EIF4G1: variants seen among roughly 807,000 people sequenced by gnomAD.
EIF4G1 encodes EIF4-gamma.
EIF4G1 carries 4 observed loss-of-function variants against 187.8 expected under a neutral mutation model. That is an observed-to-expected ratio of 0.02 (90% CI 0.01 to 0.05). The LOEUF (loss-of-function observed/expected upper bound fraction) is 0.05, where lower values mean the gene tolerates loss of function less well. Ranked by LOEUF, EIF4G1 falls within the 10% of genes least tolerant of loss-of-function variation. EIF4G1 has a pLI of 1.00. For missense variants in EIF4G1, 1,647 were observed against 2,081.1 expected, an observed-to-expected ratio of 0.79 and a Z score of 4.06; for synonymous variants, 844 against 781.4, an observed-to-expected ratio of 1.08 and a Z score of -1.34.
chr3:184,319,426 GGT>G lies in EIF4G1; in HGVS notation c.425-224_425-223del, dbSNP rs1168140244. On this transcript the variant is annotated intron_variant, in intron 6 of 32. Transcript: ENST00000346169. ...TAGGAAAGAGTGCCTGCCTACGAGG[GGT>G]GTGTGTGTGTGTGTGTGTGTGTGTG... Among the ~76,000 whole-genome samples the G allele has an allele frequency of 0.029, 3,301 of 112,874 alleles. 36 individuals are homozygous for G. Among genetic ancestry groups the G allele is most frequent in the East Asian group, 0.051 (210 of 4,096 alleles). 74.0% of individuals were successfully genotyped at this position (112,874 alleles called of 152,430 possible). A position where few individuals can be genotyped will look rare whatever the true frequency, so the allele number is the denominator to read the frequency against.
chr3:184,329,323 C>A (rs1725570879), intron 28 of EIF4G1, among the ~76,000 whole-genome samples: 1 of 152,126 alleles, frequency 6.6e-6, no homozygotes, highest in African/African-American at 2.4e-5. Flanking sequence ...ACACAAGAAA[C>A]AAGTTGGTAG....
At position 184,321,067 on chromosome 3, in the gene EIF4G1, G is replaced by GGGT. The variant is rs531788278; in HGVS notation, c.697+74_697+75insGGT. ...CAGTTAAATGCTGAGGTGGTGGAGT[G>GGGT]ACTTGAACTGGGTACCAGAGAATGA... On this transcript the variant is annotated intron_variant, in intron 9 of 32. Transcript: ENST00000346169. The GGGT allele has an allele frequency of 1.4e-4, 220 of 1,563,138 alleles. 1 individual carries two copies. The East Asian group carries it at 4.2e-3, about 30-fold the overall frequency.
intron 13 of EIF4G1, 40 bp downstream of exon 13, chr3:184,322,994 C>T (rs1192241218): frequency 4.3e-6 from 7 of 1,614,166 alleles, no homozygotes; most frequent in Non-Finnish European, 5.9e-6. Flanking sequence ...TAAGTTTGTG[C>T]TGGATGGATT....
In EIF4G1 at chr3:184,324,228, A is replaced by G. The variant is rs1027249874; in HGVS notation, c.2500A>G (p.Thr834Ala). 1.2e-5 allele frequency: 20 copies of G among 1,614,146 alleles called. No individual in the cohort carries two copies. Among genetic ancestry groups the G allele is most frequent in the Admixed American group, 8.3e-5 (5 of 60,010 alleles). ...GAAAGTGCCCACTACGGAAAAGCCA[A>G]CAGTGACTGTGAACTTCCGAAAGCT... ...ALKVPTTEKPTVTVNFRKLLL... is the reference protein window; with the variant it reads ...ALKVPTTEKPAVTVNFRKLLL... Residue 834 changes from threonine (T) to alanine (A), a missense_variant, in exon 17 of 33, where the codon ACA (threonine) becomes GCA (alanine). Around this residue, in one of 11 missense-constraint regions of EIF4G1, gnomAD observed 36 missense variants for 87.6 expected, o/e 0.41. Coordinates refer to ENST00000346169, the MANE Select transcript of EIF4G1 (RefSeq NM_198241.3).
In EIF4G1 at chr3:184,325,382, C is replaced by T. The variant is rs747337485; in HGVS notation, c.2961+9C>T. ...TGCTGGATCTGCGAGGGGTGTGTGTCCCCCTCCTCCCCACTGCCAGCCTGC... is the reference window on the plus strand; with the variant it reads ...TGCTGGATCTGCGAGGGGTGTGTGTTCCCCTCCTCCCCACTGCCAGCCTGC... On this transcript the variant is annotated intron_variant, in intron 19 of 32. Transcript: ENST00000346169. This position sits in a 1 kb window ranked among gnomAD's most constrained non-coding sequence, Gnocchi z 5.2. The T allele has an allele frequency of 3.7e-6, 6 of 1,613,866 alleles. No individual in the cohort carries two copies. In the South Asian group the frequency reaches 5.5e-5, roughly 15 times the overall value.
chr3:184,330,536 C>G (rs1331893261), intron 28 of EIF4G1, among the ~76,000 whole-genome samples: 4 of 152,150 alleles, frequency 2.6e-5, no homozygotes, highest in African/African-American at 7.2e-5. Flanking sequence ...AGTCTATTGC[C>G]CCTTACAGAA....
chr3:184,332,475 TGAG>T (rs1251068975), intron 32 of EIF4G1, among the ~76,000 whole-genome samples: 3 of 152,302 alleles, frequency 2.0e-5, no homozygotes, highest in African/African-American at 4.8e-5. Context: ...ATTTTCCACA[TGAG>T]GAGACTGAGG....
chr3:184,331,708 C>A lies in EIF4G1; in HGVS notation c.4396-20C>A. ...AGGGCCCAATTCAGAATCTGGGGATCATTTGTTTCTCCCATACAGGCCAAC... is the reference window on the plus strand; with the variant it reads ...AGGGCCCAATTCAGAATCTGGGGATAATTTGTTTCTCCCATACAGGCCAAC... On this transcript the variant is annotated intron_variant, in intron 30 of 32. Coordinates refer to ENST00000346169, the MANE Select transcript of EIF4G1 (RefSeq NM_198241.3). 6.2e-7 allele frequency: 1 copy of A among 1,614,124 alleles called. No homozygotes were observed. The highest frequency in any genetic ancestry group is 8.5e-7 in the Non-Finnish European group (1 of 1,180,026).
At chr3:184,324,849 T>A (rs757102049) in intron 17 of EIF4G1, 29 bp from the exon 18 acceptor site, 1 of 1,610,014 alleles carries the variant, frequency 6.2e-7, no homozygotes, top group Non-Finnish European at 8.5e-7. Context: ...GTTATCTTTT[T>A]GACACAATCC....
rs763266631 is a variant in EIF4G1 at position 184,317,308 on chromosome 3, T to C, written c.148-13T>C. The C allele has an allele frequency of 1.2e-6, 2 of 1,613,908 alleles. No homozygotes were observed. The highest frequency in any genetic ancestry group is 3.3e-5 in the Admixed American group (2 of 60,018). On this transcript the variant is annotated splice_polypyrimidine_tract_variant and intron_variant, in intron 4 of 32. Transcript: ENST00000346169. ...CTCTTTACAATGCCAACTGCTTTCC[T>C]CCCTCCTGACAGCACTTCTACCCTA...
chr3:184,319,695 C>T lies in EIF4G1; in HGVS notation c.431C>T (p.Ala144Val). Residue 144 changes from alanine to valine, a missense_variant, in exon 7 of 33, where the codon GCC (alanine) becomes GTC (valine). Coordinates refer to ENST00000346169, the MANE Select transcript of EIF4G1 (RefSeq NM_198241.3). The part of the protein sequence containing the change: ...SPTEFGTYAG[A>V]YYPAQGVQQF... ...CCGTCCCCCCTCCCCCAAGCTGGCG[C>T]CTACTATCCAGCCCAAGGGGTGCAG... The T allele has an allele frequency of 1.3e-6, 2 of 1,592,766 alleles. No individual in the cohort carries two copies. The highest frequency in any genetic ancestry group is 1.7e-6 in the Non-Finnish European group (2 of 1,169,448).
In EIF4G1 at chr3:184,319,676, C is replaced by T. The variant is rs1230064425; in HGVS notation, c.425-13C>T. Reference sequence around the variant, plus strand: ...ACGCTACCACCATTCTTCTCCGTCCCCCCTCCCCCAAGCTGGCGCCTACTA... The same window carrying T: ...ACGCTACCACCATTCTTCTCCGTCCTCCCTCCCCCAAGCTGGCGCCTACTA... On this transcript the variant is annotated splice_polypyrimidine_tract_variant and intron_variant, in intron 6 of 32. Transcript: ENST00000346169. The T allele has an allele frequency of 5.2e-6, 8 of 1,525,542 alleles. No homozygotes were observed. The highest frequency in any genetic ancestry group is 4.1e-5 in the African/African-American group (3 of 73,358). The allele number at this position is 1,525,542 out of a possible 1,614,324, so 94.5% of individuals were successfully genotyped here.
At chr3:184,317,695 C>T (rs748345765) in intron 5 of EIF4G1, 22 bp from the exon 6 acceptor site, 37 of 1,604,076 alleles carry the variant, frequency 2.3e-5, no homozygotes, top group Non-Finnish European at 3.2e-5. Context: ...CTCCTTCTCT[C>T]CCTCTCCCCC....
rs764343701 is a variant in EIF4G1 at position 184,316,094 on chromosome 3, G to T, written c.61-38G>T. On this transcript the variant is annotated intron_variant, in intron 3 of 32. Coordinates refer to ENST00000346169, the MANE Select transcript of EIF4G1 (RefSeq NM_198241.3). ...CAGCTTGGGTTTCTGCCCCACCTGG[G>T]CTTCCCCTCTTGCTGAACTCTGGTC... The T allele has an allele frequency of 8.1e-6, 13 of 1,613,416 alleles. No homozygotes were observed. The African/African-American group carries it at 1.6e-4, about 20-fold the overall frequency.
chr3:184,315,351 G>C, intron 1 of EIF4G1, 138 bp from the exon 2 acceptor site: 1 of 520,012 alleles, frequency 1.9e-6, no homozygotes, highest in Non-Finnish European at 3.8e-6. Flanking sequence ...CCCCGGGTGG[G>C]GGGTGGGGAC....
rs2108488579 is a variant in EIF4G1 at position 184,322,680 on chromosome 3, A to G, written c.1745A>G (p.His582Arg). The G allele has an allele frequency of 6.2e-7, 1 of 1,614,256 alleles. No homozygotes were observed. Among genetic ancestry groups the G allele is most frequent in the African/African-American group, 1.3e-5 (1 of 75,068 alleles). The change falls in exon 12 of 33, where the codon CAC (histidine) becomes CGC (arginine). Residue 582 changes from histidine (H) to arginine (R), a missense_variant. By Grantham distance (29) the His-to-Arg change is conservative. This residue lies in a region of EIF4G1 where 522 missense variants were observed against 485.2 expected (regional missense o/e 1.08). Coordinates refer to ENST00000346169, the MANE Select transcript of EIF4G1 (RefSeq NM_198241.3). The part of the protein sequence containing the change: ...ETWDSKEDKI[H>R]NAENIQPGEQ... ...TGGGACTCAAAGGAAGACAAAATTC[A>G]CAATGCTGAGAACATCCAGCCCGGG...
rs755043993 is a variant in EIF4G1, at chr3:184,326,607, A to G, written c.3303A>G (p.Ser1101=). The part of the protein sequence containing the change: ...LSWGKGSSGG[S]GAKPSDAASE... ...GGGGCAAGGGCAGCAGCGGAGGCTC[A>G]GGAGCCAAGCCCTCAGACGCAGGTA... is the stretch of plus-strand genomic sequence containing the variant. Residue 1101 remains serine, a synonymous_variant, in exon 22 of 33, where the codon TCA becomes TCG. Transcript: ENST00000346169. The G allele has an allele frequency of 3.1e-6, 5 of 1,611,236 alleles. No homozygotes were observed. The South Asian group carries it at 5.5e-5, about 18-fold the overall frequency.
At chr3:184,320,314 C>A in intron 7 of EIF4G1, 1 of 1,294,384 alleles carries the variant, frequency 7.7e-7, no homozygotes, top group Non-Finnish European at 9.9e-7. Flanking sequence ...CGATTGGGTT[C>A]TAGATGGGGG....
rs753305744 is a variant in EIF4G1, at chr3:184,327,284, G to A, written c.3497G>A (p.Arg1166Gln). Residue 1166 changes from arginine (R) to glutamine (Q), a missense_variant, in exon 24 of 33, where the codon CGG (arginine) becomes CAG (glutamine). By Grantham distance (43) the Arg-to-Gln change is conservative. Around this residue, in one of 11 missense-constraint regions of EIF4G1, gnomAD observed 543 missense variants for 638.0 expected, o/e 0.85. Coordinates refer to ENST00000346169, the MANE Select transcript of EIF4G1 (RefSeq NM_198241.3). ...GGAGACCGCCTAGAGCGGAGTGAAC[G>A]GGGAGGGGACCGTGGGGACCGGCTT... ...DRGDRLERSE[R>Q]GGDRGDRLDR... 47 of 1,613,770 alleles carry A rather than the reference G, an allele frequency of 2.9e-5. 1 individual carries two copies. The highest frequency in any genetic ancestry group is 4.5e-5 in the East Asian group (2 of 44,904).
Sources: allele counts gnomAD v4.1 joint callset (sites outside exome capture counted in the v4.1 genomes callset), GRCh38; gene constraint gnomAD v4.1.1; regional missense constraint gnomAD v4.1.1; non-coding constraint Gnocchi (gnomAD v3.1); transcripts MANE v1.5; gene names NCBI Gene and HGNC (gene_info 2026-07-23, HGNC 2026-07-21).